The following TENM3 variants were observed in gnomAD, a reference collection of about 807,000 sequenced individuals.
The protein encoded by TENM3 is teneurin-3.
A neutral mutation model predicts 255.1 loss-of-function variants in TENM3; 63 were observed. The observed-to-expected ratio is 0.25, with a 90% CI of 0.20 to 0.30. TENM3 has a LOEUF of 0.30. Among genes scored for constraint, TENM3 ranks in the 10% least tolerant of loss-of-function variants. The pLI, the probability that TENM3 is intolerant of heterozygous loss-of-function variation, is 1.00. For missense variants in TENM3, 2,929 were observed against 3,461.1 expected, an observed-to-expected ratio of 0.85 and a Z score of 3.86; for synonymous variants, 1,306 against 1,322.3, an observed-to-expected ratio of 0.99 and a Z score of 0.27.
At chr4:182,764,809 A>ACT (rs1763540071) in intron 22 of TENM3, among the ~76,000 whole-genome samples, 1 of 152,114 alleles carries the variant, frequency 6.6e-6, no homozygotes, top group South Asian at 2.1e-4. Context: ...GGTAGGCGGG[A>ACT]CTCTGTTCAA....
chr4:182,089,591 A>ACT, the TENM3 span, among the ~76,000 whole-genome samples: 2 of 152,126 alleles, frequency 1.3e-5, no homozygotes, highest in South Asian at 4.2e-4. Context: ...AAACCATTGG[A>ACT]CTCTCTCTCA....
the TENM3 span, among the ~76,000 whole-genome samples, chr4:182,073,160 A>T: frequency 2.0e-5 from 3 of 152,232 alleles, no homozygotes; most frequent in Admixed American, 2.0e-4. Context: ...GCGAAGCAGA[A>T]GCAGGCACCC....
chr4:182,626,781 G>A (rs1395015295), intron 4 of TENM3, among the ~76,000 whole-genome samples: 2 of 152,138 alleles, frequency 1.3e-5, no homozygotes, highest in Non-Finnish European at 2.9e-5. Flanking sequence ...AGTATAATTT[G>A]TACAAGTGGC....
chr4:182,368,651 G>T (rs1278904123), intron 3 of TENM3, among the ~76,000 whole-genome samples: 1 of 152,162 alleles, frequency 6.6e-6, no homozygotes, highest in Admixed American at 6.5e-5. Flanking sequence ...TCACCTGTCT[G>T]CTCCCAAATT....
Position 182,563,673 on chromosome 4 carries a change from TG to T in TENM3, c.512-37250del, listed in dbSNP as rs1560929514. Among the ~76,000 whole-genome samples, 3 of 152,262 alleles carry T rather than the reference TG, an allele frequency of 2.0e-5. No individual in the cohort carries two copies. In the South Asian group the frequency reaches 6.2e-4, roughly 32 times the overall value. On this transcript the variant is annotated intron_variant, in intron 3 of 27. Coordinates refer to ENST00000511685, the MANE Select transcript of TENM3 (RefSeq NM_001080477.4). ...ACTTGTATTTTAACAGATGAATAAATGAAGTCATTCCTACACATTAAAAGTA... is the reference window on the plus strand; with the variant it reads ...ACTTGTATTTTAACAGATGAATAAATAAGTCATTCCTACACATTAAAAGTA...
chr4:181,477,027 G>A, the TENM3 span, among the ~76,000 whole-genome samples: 2 of 152,078 alleles, frequency 1.3e-5, no homozygotes, highest in Admixed American at 6.6e-5. Context: ...GCTCTTAGAG[G>A]TTAGGTAATT....
intron 1 of TENM3, among the ~76,000 whole-genome samples, chr4:182,198,888 G>A (rs1459915904): frequency 6.6e-6 from 1 of 152,154 alleles, no homozygotes; most frequent in Non-Finnish European, 1.5e-5. Context: ...TGGAAAAGAG[G>A]ATTGGGAGGC....
the TENM3 span, among the ~76,000 whole-genome samples, chr4:182,014,240 T>C: frequency 6.6e-6 from 1 of 151,090 alleles, no homozygotes; most frequent in African/African-American, 2.4e-5. Context: ...ATTAGTAAAA[T>C]TGTGAGCTAA....
At position 182,799,697 on chromosome 4, in the gene TENM3, C is replaced by T. The variant is rs11223; in HGVS notation, c.7446C>T (p.Gly2482=). 183,261 of 1,549,364 alleles carry T rather than the reference C, an allele frequency of 0.12. 13,281 individuals carry two copies. Among genetic ancestry groups the T allele is most frequent in the African/African-American group, 0.33 (24,287 of 73,066 alleles). Residue 2482 remains glycine (G), a synonymous_variant, in exon 28 of 28, where the codon GGC becomes GGT. Coordinates refer to ENST00000511685, the MANE Select transcript of TENM3 (RefSeq NM_001080477.4). This position sits in a 1 kb window ranked among gnomAD's most constrained non-coding sequence, Gnocchi z 4.2. ...EVQVSRRRAG[G]AQSWLWFATV... is the part of the protein sequence containing the mutation. ...AGGTGAGCCGGCGCCGGGCCGGCGG[C>T]GCGCAGTCCTGGCTGTGGTTCGCCA...
At chr4:182,050,974 T>C in the TENM3 span, among the ~76,000 whole-genome samples, 1 of 152,286 alleles carries the variant, frequency 6.6e-6, no homozygotes, top group East Asian at 1.9e-4. Flanking sequence ...TGTTGAGTCC[T>C]CAGTTCACAT....
At chr4:181,845,194 C>T in the TENM3 span, among the ~76,000 whole-genome samples, 1 of 151,994 alleles carries the variant, frequency 6.6e-6, no homozygotes, top group Admixed American at 6.6e-5. Flanking sequence ...AAACTTGAGA[C>T]TATGTTTTAG....
chr4:182,210,620 T>A (rs1194919397), intron 1 of TENM3, among the ~76,000 whole-genome samples: 1 of 18,002 alleles, frequency 5.6e-5, no homozygotes, highest in African/African-American at 1.5e-4. Context: ...CCTCTCTAGT[T>A]TTTTTTTTTT....
the TENM3 span, among the ~76,000 whole-genome samples, chr4:182,134,865 C>T: frequency 2.0e-3 from 305 of 152,164 alleles, no homozygotes; most frequent in African/African-American, 6.9e-3. Flanking sequence ...CTCAGAAATG[C>T]ATCACGCCAC....
At chr4:182,482,378 A>G (rs984455785) in intron 3 of TENM3, among the ~76,000 whole-genome samples, 3 of 152,156 alleles carry the variant, frequency 2.0e-5, no homozygotes, top group African/African-American at 7.2e-5. Context: ...AACATAATAC[A>G]TACATTGATT....
the TENM3 span, among the ~76,000 whole-genome samples, chr4:181,536,087 C>A: frequency 0.029 from 4,443 of 152,294 alleles, 147 homozygotes; most frequent in East Asian, 0.075. Flanking sequence ...CAAAAACCAT[C>A]TCCGACTTGT....
Position 182,274,972 on chromosome 4 carries a change from G to A in TENM3, c.-76+31496G>A, listed in dbSNP as rs138640734. ...CCCGCATAGTTCAGATTACAGGCAC[G>A]CACCACCACACCTGGCTAATTTTTG... On this transcript the variant is annotated intron_variant, in intron 1 of 27. Transcript: ENST00000511685. Among the ~76,000 whole-genome samples the A allele has an allele frequency of 4.6e-3, 702 of 152,034 alleles. 4 individuals are homozygous for A. The highest frequency in any genetic ancestry group is 0.016 in the African/African-American group (653 of 41,460).
At chr4:182,063,682 T>C in the TENM3 span, among the ~76,000 whole-genome samples, 6 of 152,346 alleles carry the variant, frequency 3.9e-5, no homozygotes, top group South Asian at 1.2e-3. Context: ...GAACAACTAT[T>C]GTGAGCAAGA....
intron 3 of TENM3, among the ~76,000 whole-genome samples, chr4:182,477,612 T>C (rs6824825): frequency 0.06 from 9,086 of 152,162 alleles, 409 homozygotes; most frequent in African/African-American, 0.12. Flanking sequence ...TATTTCTTGA[T>C]TGCATTCTAT....
the TENM3 span, among the ~76,000 whole-genome samples, chr4:182,043,709 C>T: frequency 2.8e-4 from 43 of 152,268 alleles, no homozygotes; most frequent in African/African-American, 9.9e-4. Context: ...AGCCACGCAC[C>T]TAATTTCAGG....
Sources: gnomAD v4.1 joint callset for allele counts (sites outside exome capture counted in the v4.1 genomes callset) on GRCh38, gnomAD v4.1.1 for gene constraint, Gnocchi (gnomAD v3.1) non-coding constraint, MANE v1.5 for transcripts, NCBI Gene and HGNC (gene_info 2026-07-23, HGNC 2026-07-21) for gene names.